The following CDC42EP1 variants were observed in gnomAD, a reference collection of about 807,000 sequenced individuals.
CDC42EP1 encodes the protein CDC42 effector protein 1.
A neutral mutation model predicts 7.4 loss-of-function variants in CDC42EP1; 6 were observed. The ratio of observed to expected loss-of-function variants is 0.81; its 90% CI spans 0.44 to 1.60. The LOEUF (loss-of-function observed/expected upper bound fraction) is 1.60, where lower values mean the gene tolerates loss of function less well. Among genes scored for constraint, CDC42EP1 ranks in the 40% most tolerant of loss-of-function variants. The probability of loss-of-function intolerance (pLI) is 0.01; values close to 1 mark genes in which losing one functional copy is unlikely to be tolerated. For synonymous variants in CDC42EP1, 238 were observed against 227.1 expected, an observed-to-expected ratio of 1.05 and a Z score of -0.43; for missense variants, 567 against 539.0, an observed-to-expected ratio of 1.05 and a Z score of -0.51.
Position 37,566,010 on chromosome 22 carries a change from G to A in CDC42EP1, c.-278-62G>A, listed in dbSNP as rs1925219737. 1 of 245,854 alleles carries A rather than the reference G, an allele frequency of 4.1e-6. No individual in the cohort carries two copies. The highest frequency in any genetic ancestry group is 7.8e-6 in the Non-Finnish European group (1 of 128,944). The allele number at this position is 245,854 out of a possible 1,614,324, so 15.2% of individuals were successfully genotyped here. A position where few individuals can be genotyped will look rare whatever the true frequency, so the allele number is the denominator to read the frequency against. ...TATCCTCTTCAGCTGCTAATGTTTG[G>A]ACCCCGGATTTCCTCCTCTGTCGCG... On this transcript the variant is annotated intron_variant, in intron 1 of 2. Coordinates refer to ENST00000249014, the MANE Select transcript of CDC42EP1 (RefSeq NM_152243.3). This position sits in a 1 kb window ranked among gnomAD's most constrained non-coding sequence, Gnocchi z 6.4.
chr22:37,567,504 C>T (rs748679303), intron 2 of CDC42EP1, among the ~76,000 whole-genome samples: 11 of 152,186 alleles, frequency 7.2e-5, no homozygotes, highest in Non-Finnish European at 1.0e-4. Context: ...TGGCCACTCC[C>T]TGCCTTGCGG....
chr22:37,562,238 C>T (rs1339368768), intron 1 of CDC42EP1, among the ~76,000 whole-genome samples: 1 of 152,238 alleles, frequency 6.6e-6, no homozygotes, highest in Non-Finnish European at 1.5e-5. Context: ...GTAAATGTCT[C>T]CTTTCTGAGC....
intron 2 of CDC42EP1, among the ~76,000 whole-genome samples, chr22:37,567,303 G>T (rs1002244761): frequency 2.0e-5 from 3 of 152,148 alleles, no homozygotes; most frequent in African/African-American, 7.2e-5. Context: ...AGGCGCAGGG[G>T]GGCTGATACT....
At chr22:37,564,048 C>A (rs534992675) in intron 1 of CDC42EP1, among the ~76,000 whole-genome samples, 8 of 152,316 alleles carry the variant, frequency 5.3e-5, no homozygotes, top group South Asian at 2.1e-4. Flanking sequence ...CAGTCAAGGG[C>A]TTATGTGAGT....
chr22:37,566,338 C>CA lies in CDC42EP1; in HGVS notation c.-11dup, dbSNP rs1206029611. On this transcript the variant is annotated 5_prime_UTR_variant, in exon 2 of 3. Transcript: ENST00000249014. This position sits in a 1 kb window ranked among gnomAD's most constrained non-coding sequence, Gnocchi z 6.4. ...GTAGGCATGGACTAGCAGCTGTGAG[C>CA]AGCCAGAGCTGATGCCCGGCCCCCA... 1 of 1,413,232 alleles carries CA rather than the reference C, an allele frequency of 7.1e-7. No individual in the cohort carries two copies. 87.5% of individuals were successfully genotyped at this position (1,413,232 alleles called of 1,614,324 possible).
In CDC42EP1 at chr22:37,566,626, G is replaced by T; in HGVS notation, c.277G>T (p.Gly93Trp). The T allele has an allele frequency of 6.3e-7, 1 of 1,595,568 alleles. No individual in the cohort carries two copies. The highest frequency in any genetic ancestry group is 8.6e-7 in the Non-Finnish European group (1 of 1,168,288). ...GAAGCTGCAGCTGGTGCGGAGGGTG[G>T]GGGCGCCCCCCCGGAGGATGGCATC... ...AKKLQLVRRV[G>W]APPRRMASPP... Residue 93 changes from glycine to tryptophan, a missense_variant, in exon 2 of 3, where the codon GGG becomes TGG. Gly to Trp is a radical substitution (Grantham distance 184). Transcript: ENST00000249014. This position sits in a 1 kb window ranked among gnomAD's most constrained non-coding sequence, Gnocchi z 6.4.
In CDC42EP1 at chr22:37,568,738, G is replaced by A; in HGVS notation, c.1094G>A (p.Ser365Asn). Residue 365 changes from serine to asparagine, a missense_variant, in exon 3 of 3, where the codon AGC (serine) becomes AAC (asparagine). Transcript: ENST00000249014. ...DEEWRAPQAG[S>N]RTPVPSTVQA... ...GAGTGGAGGGCGCCCCAGGCAGGCAGCAGGACCCCAGTGCCCAGCACAGTG... is the reference window on the plus strand; with the variant it reads ...GAGTGGAGGGCGCCCCAGGCAGGCAACAGGACCCCAGTGCCCAGCACAGTG... 1 of 1,523,876 alleles carries A rather than the reference G, an allele frequency of 6.6e-7. No homozygotes were observed. Among genetic ancestry groups the A allele is most frequent in the Non-Finnish European group, 8.8e-7 (1 of 1,137,280 alleles). The allele number at this position is 1,523,876 out of a possible 1,614,324, so 94.4% of individuals were successfully genotyped here.
At position 37,566,670 on chromosome 22, in the gene CDC42EP1, G is replaced by T; in HGVS notation, c.321G>T (p.Pro107=). 6.2e-7 allele frequency: 1 copy of T among 1,607,954 alleles called. No individual in the cohort carries two copies. Among genetic ancestry groups the T allele is most frequent in the Non-Finnish European group, 8.5e-7 (1 of 1,176,800 alleles). Residue 107 remains proline (P), a synonymous_variant, in exon 2 of 3, where the codon CCG becomes CCT. Coordinates refer to ENST00000249014, the MANE Select transcript of CDC42EP1 (RefSeq NM_152243.3). The surrounding 1 kb of genome is among the most constrained non-coding windows in gnomAD (Gnocchi z 6.4). ...TGGCATCTCCCCCTGCACCCTCCCC[G>T]GCTCCACCGGCCATCTCCCCCATCA... is the stretch of plus-strand genomic sequence containing the variant. ...RRMASPPAPS[P]APPAISPIIK...
chr22:37,566,639 G>C lies in CDC42EP1; in HGVS notation c.290G>C (p.Arg97Pro). The change falls in exon 2 of 3, where the codon CGG (arginine) becomes CCG (proline). Residue 97 changes from arginine (R) to proline (P), a missense_variant. Transcript: ENST00000249014. This position sits in a 1 kb window ranked among gnomAD's most constrained non-coding sequence, Gnocchi z 6.4. ...QLVRRVGAPPRRMASPPAPSP... is the reference protein window; with the variant it reads ...QLVRRVGAPPPRMASPPAPSP... ...GTGCGGAGGGTGGGGGCGCCCCCCC[G>C]GAGGATGGCATCTCCCCCTGCACCC... 2 of 1,594,164 alleles carry C rather than the reference G, an allele frequency of 1.3e-6. No homozygotes were observed. The highest frequency in any genetic ancestry group is 1.7e-6 in the Non-Finnish European group (2 of 1,167,926).
chr22:37,560,959 T>C (rs1417596489), intron 1 of CDC42EP1, among the ~76,000 whole-genome samples: 4 of 120,916 alleles, frequency 3.3e-5, no homozygotes, highest in Admixed American at 1.0e-4. Flanking sequence ...GCGGAATGTC[T>C]CCCCTCCGCC....
Position 37,566,392 on chromosome 22 carries a change from C to A in CDC42EP1, c.43C>A (p.Leu15Met). The part of the protein sequence containing the change: ...QGGRGAATMS[L>M]GKLSPVGWVS... ...GGGCAGAGGCGCCGCCACCATGAGC[C>A]TGGGCAAGCTCTCGCCTGTGGGCTG... Residue 15 changes from leucine (L) to methionine (M), a missense_variant, in exon 2 of 3, where the codon CTG becomes ATG. Leu to Met is a conservative substitution (Grantham distance 15). Transcript: ENST00000249014. This position sits in a 1 kb window ranked among gnomAD's most constrained non-coding sequence, Gnocchi z 6.4. The A allele has an allele frequency of 6.3e-7, 1 of 1,581,316 alleles. No homozygotes were observed. Among genetic ancestry groups the A allele is most frequent in the South Asian group, 1.1e-5 (1 of 87,124 alleles).
Position 37,566,090 on chromosome 22 carries a change from G to A in CDC42EP1, c.-260G>A, listed in dbSNP as rs1925223408. The A allele has an allele frequency of 5.3e-6, 2 of 379,702 alleles. No homozygotes were observed. The highest frequency in any genetic ancestry group is 9.4e-6 in the Non-Finnish European group (2 of 213,044). 23.5% of individuals were successfully genotyped at this position (379,702 alleles called of 1,614,324 possible). On this transcript the variant is annotated 5_prime_UTR_variant, in exon 2 of 3. Coordinates refer to ENST00000249014, the MANE Select transcript of CDC42EP1 (RefSeq NM_152243.3). This position sits in a 1 kb window ranked among gnomAD's most constrained non-coding sequence, Gnocchi z 6.4. ...CTTCCAGGTCTCCACCTCTGGGCAG[G>A]AGAGTTGCCGACCACCTCGGGGGTG...
chr22:37,566,325 TAGCAGCTGTG>T lies in CDC42EP1; in HGVS notation c.-18_-9del, dbSNP rs1925234923. On this transcript the variant is annotated 5_prime_UTR_variant, in exon 2 of 3. Transcript: ENST00000249014. This position sits in a 1 kb window ranked among gnomAD's most constrained non-coding sequence, Gnocchi z 6.4. ...CCCCCGGCCCCTGGTAGGCATGGACTAGCAGCTGTGAGCAGCCAGAGCTGATGCCCGGCCC... is the reference window on the plus strand; with the variant it reads ...CCCCCGGCCCCTGGTAGGCATGGACTAGCAGCCAGAGCTGATGCCCGGCCC... 1.1e-6 allele frequency: 1 copy of T among 908,324 alleles called. No individual in the cohort carries two copies. Among genetic ancestry groups the T allele is most frequent in the African/African-American group, 1.8e-5 (1 of 55,380 alleles). The allele number at this position is 908,324 out of a possible 1,614,324, so 56.3% of individuals were successfully genotyped here. A position where few individuals can be genotyped will look rare whatever the true frequency, so the allele number is the denominator to read the frequency against.
In CDC42EP1 at chr22:37,566,147, T is replaced by TCCCTGCTCC. The variant is rs1284348260; in HGVS notation, c.-202_-201insCCTGCTCCC. The TCCCTGCTCC allele has an allele frequency of 5.8e-4, 260 of 447,988 alleles. 1 individual carries two copies. Among genetic ancestry groups the TCCCTGCTCC allele is most frequent in the African/African-American group, 5.0e-3 (248 of 49,308 alleles). 27.8% of individuals were successfully genotyped at this position (447,988 alleles called of 1,614,324 possible). The stretch of plus-strand genomic sequence containing the variant: ...CTGCGCTTGAACATCTATAGCTGCT[T>TCCCTGCTCC]CTGAGGGGCTGGGAGCCGGGCCCCT... On this transcript the variant is annotated 5_prime_UTR_variant, in exon 2 of 3. Transcript: ENST00000249014. The surrounding 1 kb of genome is among the most constrained non-coding windows in gnomAD (Gnocchi z 6.4).
In CDC42EP1 at chr22:37,565,588, T is replaced by C. The variant is rs1194660987; in HGVS notation, c.-278-484T>C. 7.8e-3 allele frequency: 689 copies of C among 88,220 alleles called. 5 individuals are homozygous for C. Among genetic ancestry groups the C allele is most frequent in the African/African-American group, 0.02 (589 of 29,718 alleles). The allele number at this position is 88,220 out of a possible 1,614,324, so 5.5% of individuals were successfully genotyped here. A position where few individuals can be genotyped will look rare whatever the true frequency, so the allele number is the denominator to read the frequency against. On this transcript the variant is annotated intron_variant, in intron 1 of 2. Transcript: ENST00000249014. ...CCTTGTTTTTTTTTTTTTTTTTTTT[T>C]TTTTTTTTGAGACGGAATGTTGCTC...
At chr22:37,564,969 G>A (rs548732793) in intron 1 of CDC42EP1, among the ~76,000 whole-genome samples, 4 of 152,006 alleles carry the variant, frequency 2.6e-5, no homozygotes, top group African/African-American at 4.8e-5. Flanking sequence ...TGGTAGAGAC[G>A]GGGTTTCACC....
In CDC42EP1 at chr22:37,566,909, G is replaced by T; in HGVS notation, c.463+97G>T. ...TCCAAGCTCCAAGTGAGCTCCAAGTGACCACAGAGGTCAGGCCCAGACCCC... is the reference window on the plus strand; with the variant it reads ...TCCAAGCTCCAAGTGAGCTCCAAGTTACCACAGAGGTCAGGCCCAGACCCC... On this transcript the variant is annotated intron_variant, in intron 2 of 2. Coordinates refer to ENST00000249014, the MANE Select transcript of CDC42EP1 (RefSeq NM_152243.3). The surrounding 1 kb of genome is among the most constrained non-coding windows in gnomAD (Gnocchi z 6.4). 1.1e-6 allele frequency: 1 copy of T among 896,450 alleles called. No individual in the cohort carries two copies. Among genetic ancestry groups the T allele is most frequent in the South Asian group, 1.8e-5 (1 of 56,246 alleles). 55.5% of individuals were successfully genotyped at this position (896,450 alleles called of 1,614,324 possible).
Position 37,566,556 on chromosome 22 carries a change from C to T in CDC42EP1, c.207C>T (p.Gly69=). The T allele has an allele frequency of 6.2e-7, 1 of 1,607,790 alleles. No individual in the cohort carries two copies. Among genetic ancestry groups the T allele is most frequent in the Non-Finnish European group, 8.5e-7 (1 of 1,175,512 alleles). Residue 69 remains glycine, a synonymous_variant, in exon 2 of 3, where the codon GGC becomes GGT. Transcript: ENST00000249014. This position sits in a 1 kb window ranked among gnomAD's most constrained non-coding sequence, Gnocchi z 6.4. ...CGTCCTTCCTCAGCAACCACGGTGGCAGCTCCGGGAGCACCCATCGCTCAC... is the reference window on the plus strand; with the variant it reads ...CGTCCTTCCTCAGCAACCACGGTGGTAGCTCCGGGAGCACCCATCGCTCAC... ...GDTSFLSNHG[G]SSGSTHRSPR... is the part of the protein sequence containing the mutation.
In CDC42EP1 at chr22:37,569,208, G is replaced by A. The variant is rs1001090009; in HGVS notation, c.*388G>A. 31 of 164,196 alleles carry A rather than the reference G, an allele frequency of 1.9e-4. No homozygotes were observed. Among genetic ancestry groups the A allele is most frequent in the Admixed American group, 6.4e-4 (10 of 15,558 alleles). 10.2% of individuals were successfully genotyped at this position (164,196 alleles called of 1,614,324 possible). On this transcript the variant is annotated 3_prime_UTR_variant, in exon 3 of 3. Transcript: ENST00000249014. ...CATTGTCTCACCTCCCAAAGGGACC[G>A]CCTGCCCCCAGCTCATCCCAGAGCG...
Sources: gnomAD v4.1 joint callset for allele counts (sites outside exome capture counted in the v4.1 genomes callset) on GRCh38, gnomAD v4.1.1 for gene constraint, Gnocchi (gnomAD v3.1) non-coding constraint, MANE v1.5 for transcripts, NCBI Gene and HGNC (gene_info 2026-07-23, HGNC 2026-07-21) for gene names.